SAMD13: variants seen among roughly 807,000 people sequenced by gnomAD.
SAMD13 encodes sterile alpha motif domain-containing protein 13.
A neutral mutation model predicts 12.4 loss-of-function variants in SAMD13; 9 were observed. The ratio of observed to expected loss-of-function variants is 0.72; its 90% CI spans 0.44 to 1.26. The LOEUF is 1.26. SAMD13 is among the 50% of genes most tolerant of loss of function. The probability of loss-of-function intolerance (pLI) is 0.00; values close to 1 mark genes in which losing one functional copy is unlikely to be tolerated. For synonymous variants in SAMD13, 46 were observed against 45.4 expected (o/e 1.01, Z -0.05); for missense variants, 84 against 119.6 (o/e 0.70, Z 1.39).
At chr1:84,338,753 T>C (rs1176041078) in intron 3 of SAMD13, among the ~76,000 whole-genome samples, 4 of 152,072 alleles carry the variant, frequency 2.6e-5, no homozygotes, top group Non-Finnish European at 5.9e-5. Context: ...CTCCTCTTTT[T>C]AAAACCATTA....
At chr1:84,334,308 A>C (rs754995425) in intron 3 of SAMD13, among the ~76,000 whole-genome samples, 8 of 152,018 alleles carry the variant, frequency 5.3e-5, no homozygotes, top group Non-Finnish European at 1.0e-4. Context: ...GAATTTATCC[A>C]TTTCAACTAG....
chr1:84,331,680 G>C (rs903447789), intron 3 of SAMD13, among the ~76,000 whole-genome samples: 11 of 152,120 alleles, frequency 7.2e-5, no homozygotes, highest in Non-Finnish European at 1.5e-4. Context: ...GGTAATGCTA[G>C]CAATAAGAAA....
chr1:84,304,770 C>G (rs905437577), intron 2 of SAMD13, among the ~76,000 whole-genome samples: 2 of 151,984 alleles, frequency 1.3e-5, no homozygotes. Flanking sequence ...ATCCCCCGCC[C>G]CCACACACAC....
chr1:84,334,413 C>A (rs1318374055), intron 3 of SAMD13, among the ~76,000 whole-genome samples: 1 of 151,940 alleles, frequency 6.6e-6, no homozygotes, highest in Non-Finnish European at 1.5e-5. Context: ...TCCCCTTTGT[C>A]ATTTCTGATC....
intron 2 of SAMD13, among the ~76,000 whole-genome samples, chr1:84,323,568 A>G (rs775453543): frequency 5.3e-5 from 8 of 152,182 alleles, no homozygotes; most frequent in Non-Finnish European, 1.0e-4. Flanking sequence ...CACATGTGCC[A>G]TCGATCAGTG....
At chr1:84,305,472 T>A (rs1471967303) in intron 2 of SAMD13, among the ~76,000 whole-genome samples, 1 of 152,140 alleles carries the variant, frequency 6.6e-6, no homozygotes, top group Non-Finnish European at 1.5e-5. Context: ...CTCCATAGCA[T>A]CTTTCAAAGT....
upstream of SAMD13, among the ~76,000 whole-genome samples, chr1:84,300,316 G>A (rs146713498): frequency 6.6e-6 from 1 of 152,282 alleles, no homozygotes; most frequent in African/African-American, 2.4e-5. Context: ...GGGAGCAATG[G>A]CAAATATTTG....
At chr1:84,302,813 C>T (rs944942226) in intron 1 of SAMD13, 8 of 378,316 alleles carry the variant, frequency 2.1e-5, no homozygotes, top group African/African-American at 4.5e-5. Flanking sequence ...AAATCAAAGC[C>T]CATAATGGGA....
At chr1:84,299,661 A>ATATATG (rs1558432041), upstream of SAMD13, 2 of 905,220 alleles carry the variant, frequency 2.2e-6, no homozygotes, top group African/African-American at 3.5e-5. Context: ...ACTAGTGTAT[A>ATATATG]TATATATATA....
intron 3 of SAMD13, among the ~76,000 whole-genome samples, chr1:84,329,845 G>A (rs943193322): frequency 2.6e-5 from 4 of 152,156 alleles, no homozygotes; most frequent in East Asian, 1.9e-4. Flanking sequence ...CAGTGATGTC[G>A]CTACTCCTTG....
intron 2 of SAMD13, among the ~76,000 whole-genome samples, chr1:84,321,195 A>G (rs1407229505): frequency 6.6e-6 from 1 of 152,168 alleles, no homozygotes; most frequent in Non-Finnish European, 1.5e-5. Flanking sequence ...TAATTAGGGT[A>G]TAATCATTTC....
intron 3 of SAMD13, chr1:84,345,181 G>T (rs1020981215): frequency 2.4e-5 from 11 of 456,288 alleles, no homozygotes; most frequent in Non-Finnish European, 4.4e-5. Context: ...ACAGTAAATG[G>T]CAAGAGAGTT....
At chr1:84,343,880 A>T (rs565059044) in intron 3 of SAMD13, among the ~76,000 whole-genome samples, 6 of 152,240 alleles carry the variant, frequency 3.9e-5, no homozygotes, top group East Asian at 3.9e-4. Flanking sequence ...ATTAAAAAAA[A>T]TTTTTAATCA....
intron 2 of SAMD13, among the ~76,000 whole-genome samples, chr1:84,312,331 G>A (rs1316619837): frequency 1.3e-5 from 2 of 150,870 alleles, no homozygotes; most frequent in African/African-American, 4.9e-5. Context: ...ACCTTCTTTC[G>A]GTCCCTTTTT....
At chr1:84,338,923 T>C (rs1198833810) in intron 3 of SAMD13, among the ~76,000 whole-genome samples, 1 of 152,194 alleles carries the variant, frequency 6.6e-6, no homozygotes, top group East Asian at 1.9e-4. Flanking sequence ...CTTCAAGCTC[T>C]GAGAATCTTT....
At chr1:84,334,798 C>T (rs938570685) in intron 3 of SAMD13, among the ~76,000 whole-genome samples, 3 of 152,172 alleles carry the variant, frequency 2.0e-5, no homozygotes, top group South Asian at 2.1e-4. Flanking sequence ...TTGATTTCTC[C>T]TTTAATCTCT....
intron 2 of SAMD13, among the ~76,000 whole-genome samples, chr1:84,324,832 A>G (rs1679020817): frequency 6.6e-6 from 1 of 152,188 alleles, no homozygotes; most frequent in Non-Finnish European, 1.5e-5. Context: ...GAATCCAATG[A>G]GGAGCATTAC....
At chr1:84,344,246 G>C (rs1456050017) in intron 3 of SAMD13, among the ~76,000 whole-genome samples, 1 of 152,100 alleles carries the variant, frequency 6.6e-6, no homozygotes, top group Non-Finnish European at 1.5e-5. Flanking sequence ...GCTTGTGACT[G>C]TTACTTCAAC....
At chr1:84,301,598 A>G, upstream of SAMD13, 1 of 985,454 alleles carries the variant, frequency 1.0e-6, no homozygotes, top group Non-Finnish European at 1.2e-6. Context: ...AAAGTCAGCC[A>G]TGAACCAGAA....
Sources: gnomAD v4.1 joint callset for allele counts (sites outside exome capture counted in the v4.1 genomes callset) on GRCh38, gnomAD v4.1.1 for gene constraint, MANE v1.5 for transcripts, NCBI Gene and HGNC (gene_info 2026-07-23, HGNC 2026-07-21) for gene names.